The following RPRD1A variants were observed in gnomAD, a reference collection of about 807,000 sequenced individuals.
RPRD1A encodes regulation of nuclear pre-mRNA domain-containing protein 1A.
RPRD1A carries 9 observed loss-of-function variants against 37.8 expected under a neutral mutation model. The observed-to-expected ratio is 0.24, with a 90% confidence interval of 0.14 to 0.42. The LOEUF (loss-of-function observed/expected upper bound fraction) is 0.42. RPRD1A is among the 10% of genes least tolerant of loss of function. The probability of loss-of-function intolerance (pLI) is 1.00; values close to 1 mark genes in which losing one functional copy is unlikely to be tolerated. For missense variants in RPRD1A, 255 were observed against 371.0 expected (o/e 0.69, Z 2.57); for synonymous variants, 138 against 139.7 (o/e 0.99, Z 0.08).
At position 36,008,587 on chromosome 18, in the gene RPRD1A, A is replaced by ATATATATATATATATC. The variant is rs1234904779; in HGVS notation, c.790-15288_790-15287insGATATATATATATATA. On this transcript the variant is annotated intron_variant, in intron 6 of 6. Transcript: ENST00000399022. The stretch of plus-strand genomic sequence containing the variant: ...CAAGACCTTGTGTGTGTATATATAT[A>ATATATATATATATATC]TATCTTTAAAAATCTCTCTAGGAAA... 4.8e-4 allele frequency among the ~76,000 whole-genome samples: 57 copies of ATATATATATATATATC among 119,588 alleles called. 5 individuals are homozygous for ATATATATATATATATC. Among genetic ancestry groups the ATATATATATATATATC allele is most frequent in the African/African-American group, 1.9e-3 (53 of 27,296 alleles). 78.5% of individuals were successfully genotyped at this position (119,588 alleles called of 152,430 possible).
At chr18:36,058,842 G>A (rs1363639522) in intron 1 of RPRD1A, among the ~76,000 whole-genome samples, 1 of 152,112 alleles carries the variant, frequency 6.6e-6, no homozygotes. Context: ...TCTCACAAGC[G>A]TACAGTGTTG....
In RPRD1A at chr18:35,990,024, T is replaced by C. The variant is rs1908634199; in HGVS notation, c.*3127A>G. On this transcript the variant is annotated 3_prime_UTR_variant, in exon 7 of 7. Coordinates refer to ENST00000399022, the MANE Select transcript of RPRD1A (RefSeq NM_018170.5). The stretch of plus-strand genomic sequence containing the variant: ...ATAAATAATTCATTAAGTAACACAA[T>C]GTTTCCTTTCTATACAGAGAAGAAC... The C allele has an allele frequency of 6.6e-6, 1 of 152,208 alleles. No homozygotes were observed. The highest frequency in any genetic ancestry group is 1.5e-5 in the Non-Finnish European group (1 of 68,036). The allele number at this position is 152,208 out of a possible 1,614,324, so 9.4% of individuals were successfully genotyped here. A position where few individuals can be genotyped will look rare whatever the true frequency, so the allele number is the denominator to read the frequency against.
At chr18:36,007,461 ATT>A (rs1909815676) in intron 6 of RPRD1A, among the ~76,000 whole-genome samples, 1 of 152,222 alleles carries the variant, frequency 6.6e-6, no homozygotes, top group Admixed American at 6.5e-5. Flanking sequence ...CAGAATTGGA[ATT>A]TAGCATCAAG....
rs373022066 is a variant in RPRD1A at position 36,067,449 on chromosome 18, G to A, written c.-45C>T. ...CGCCGTCCCACGCGGTGGGGCCGAG[G>A]GGAGGAGAGTTTCGCCGCCCTAGCT... On this transcript the variant is annotated 5_prime_UTR_variant, in exon 1 of 7. Transcript: ENST00000399022. The A allele has an allele frequency of 8.3e-6, 13 of 1,571,648 alleles. No homozygotes were observed. Among genetic ancestry groups the A allele is most frequent in the South Asian group, 6.9e-5 (6 of 86,360 alleles).
intron 6 of RPRD1A, among the ~76,000 whole-genome samples, chr18:35,995,684 C>T (rs1016872869): frequency 3.9e-5 from 6 of 152,152 alleles, no homozygotes; most frequent in Non-Finnish European, 8.8e-5. Flanking sequence ...TAAGTGTGGG[C>T]TGTATGTGAT....
intron 1 of RPRD1A, among the ~76,000 whole-genome samples, chr18:36,067,048 T>C (rs1033564990): frequency 2.0e-5 from 3 of 152,238 alleles, no homozygotes; most frequent in Admixed American, 2.0e-4. Flanking sequence ...GAGTTTTCTT[T>C]TTTAATTATT....
At chr18:36,039,937 T>C (rs1249699142) in intron 1 of RPRD1A, among the ~76,000 whole-genome samples, 2 of 151,938 alleles carry the variant, frequency 1.3e-5, no homozygotes, top group African/African-American at 4.8e-5. Context: ...TACATATCAA[T>C]GGGAGGAATG....
At chr18:36,028,462 T>C (rs961870732) in intron 4 of RPRD1A, among the ~76,000 whole-genome samples, 3 of 152,186 alleles carry the variant, frequency 2.0e-5, no homozygotes, top group Non-Finnish European at 4.4e-5. Context: ...TTGCCACAAC[T>C]AATATATTAT....
At chr18:36,066,467 G>A (rs1194529028) in intron 1 of RPRD1A, among the ~76,000 whole-genome samples, 2 of 152,170 alleles carry the variant, frequency 1.3e-5, no homozygotes, top group African/African-American at 4.8e-5. Flanking sequence ...CTCAGACTAA[G>A]CAAATGAAAT....
In RPRD1A at chr18:36,008,019, CT is replaced by C. The variant is rs568057699; in HGVS notation, c.790-14720del. Among the ~76,000 whole-genome samples the C allele has an allele frequency of 4.2e-4, 64 of 151,790 alleles. No individual in the cohort carries two copies. In the South Asian group the frequency reaches 5.0e-3, roughly 12 times the overall value. ...TCTCAGCCAGGAGGCTGAGACACAA[CT>C]GCTTATGTCCAAAGAGTTTGAGACC... On this transcript the variant is annotated intron_variant, in intron 6 of 6. Coordinates refer to ENST00000399022, the MANE Select transcript of RPRD1A (RefSeq NM_018170.5).
At chr18:36,033,573 G>T in intron 2 of RPRD1A, 135 bp downstream of exon 2, 1 of 626,880 alleles carries the variant, frequency 1.6e-6, no homozygotes, top group South Asian at 3.8e-5. Context: ...CCATGTAGAG[G>T]GAAGTCTTTT....
intron 6 of RPRD1A, chr18:36,026,642 T>C (rs1461741465): frequency 2.7e-5 from 9 of 338,066 alleles, no homozygotes; most frequent in African/African-American, 1.3e-4. Flanking sequence ...AGATAAATTA[T>C]AGTTGCATGG....
chr18:36,010,075 TATG>T (rs1243197920), intron 6 of RPRD1A, among the ~76,000 whole-genome samples: 3 of 151,888 alleles, frequency 2.0e-5, no homozygotes, highest in South Asian at 4.1e-4. Context: ...TATAATATGG[TATG>T]ATATGTTAGT....
At chr18:36,065,112 C>A (rs1161410702) in intron 1 of RPRD1A, among the ~76,000 whole-genome samples, 1 of 152,096 alleles carries the variant, frequency 6.6e-6, no homozygotes, top group African/African-American at 2.4e-5. Flanking sequence ...ACTATAACAC[C>A]GCGAGGGTCC....
chr18:36,014,698 G>A (rs1411385416), intron 6 of RPRD1A, among the ~76,000 whole-genome samples: 4 of 152,100 alleles, frequency 2.6e-5, no homozygotes, highest in South Asian at 2.1e-4. Flanking sequence ...AGCCGAGATC[G>A]CGCCACGGCA....
At chr18:36,061,209 A>G (rs576030602) in intron 1 of RPRD1A, among the ~76,000 whole-genome samples, 1 of 152,334 alleles carries the variant, frequency 6.6e-6, no homozygotes, top group Non-Finnish European at 1.5e-5. Context: ...CACGAAATTT[A>G]TATTTAAAAT....
At chr18:36,039,752 T>C (rs1313697770) in intron 1 of RPRD1A, among the ~76,000 whole-genome samples, 5 of 152,130 alleles carry the variant, frequency 3.3e-5, no homozygotes, top group Admixed American at 3.3e-4. Flanking sequence ...ATAAATACAA[T>C]AAACAGCTAA....
Position 35,993,044 on chromosome 18 carries a change from GTTA to G in RPRD1A, c.*104_*106del. 1.1e-6 allele frequency: 1 copy of G among 917,346 alleles called. No individual in the cohort carries two copies. The highest frequency in any genetic ancestry group is 2.8e-5 in the East Asian group (1 of 35,562). The allele number at this position is 917,346 out of a possible 1,614,324, so 56.8% of individuals were successfully genotyped here. ...TTATAAATTACTCGTTGTTCCTTTT[GTTA>G]GTGTTTCTTTCTCAACAATATACAA... On this transcript the variant is annotated 3_prime_UTR_variant, in exon 7 of 7. Coordinates refer to ENST00000399022, the MANE Select transcript of RPRD1A (RefSeq NM_018170.5).
At chr18:36,023,060 C>T (rs1253464361) in intron 6 of RPRD1A, among the ~76,000 whole-genome samples, 4 of 152,202 alleles carry the variant, frequency 2.6e-5, no homozygotes, top group Non-Finnish European at 5.9e-5. Context: ...CCTGCTAACA[C>T]GTGTTCTGCC....
Sources: gnomAD v4.1 joint callset for allele counts (sites outside exome capture counted in the v4.1 genomes callset) on GRCh38, gnomAD v4.1.1 for gene constraint, MANE v1.5 for transcripts, NCBI Gene and HGNC (gene_info 2026-07-23, HGNC 2026-07-21) for gene names.